The following SLC38A2 variants were observed in gnomAD, a reference collection of about 807,000 sequenced individuals.
The protein encoded by SLC38A2 is sodium-coupled neutral amino acid symporter 2.
In SLC38A2, 11 loss-of-function variants were observed where a neutral mutation model predicts 61.5. The observed-to-expected ratio is 0.18, with a 90% CI of 0.11 to 0.30. SLC38A2 has a LOEUF of 0.30. SLC38A2 is among the 10% of genes least tolerant of loss of function. The probability of loss-of-function intolerance (pLI) is 1.00; values close to 1 mark genes in which losing one functional copy is unlikely to be tolerated. For synonymous variants in SLC38A2, 217 were observed against 212.5 expected (o/e 1.02, Z -0.18); for missense variants, 522 against 600.4 (o/e 0.87, Z 1.36).
rs1477260097 is a variant in SLC38A2, at chr12:46,365,088, T to C, written c.646+19A>G. On this transcript the variant is annotated intron_variant, in intron 8 of 15. Coordinates refer to ENST00000256689, the MANE Select transcript of SLC38A2 (RefSeq NM_018976.5). ...GTGAGAGGCTCATTTCAATTCTCTT[T>C]AGAGATGAGTTTGCTCACCTAAATT... The C allele has an allele frequency of 1.9e-6, 3 of 1,603,238 alleles. No individual in the cohort carries two copies. Among genetic ancestry groups the C allele is most frequent in the Admixed American group, 1.7e-5 (1 of 59,658 alleles).
chr12:46,362,218 A>G (rs1857402271), intron 15 of SLC38A2, 66 bp downstream of exon 15: 1 of 1,291,328 alleles, frequency 7.7e-7, no homozygotes, highest in Middle Eastern at 2.6e-4. Context: ...ATGAGAATAA[A>G]ATTAAAATCA....
At chr12:46,363,192 CACCAAGTAGAAA>C in intron 12 of SLC38A2, 47 bp from the exon 13 acceptor site, 1 of 1,594,016 alleles carries the variant, frequency 6.3e-7, no homozygotes, top group Admixed American at 1.7e-5. Context: ...TTTCATTGGA[CACCAAGTAGAAA>C]ATTTAACAGC....
chr12:46,371,323 T>C lies in SLC38A2; in HGVS notation c.-30A>G, dbSNP rs1179258783. The C allele has an allele frequency of 3.8e-6, 6 of 1,573,418 alleles. No homozygotes were observed. The highest frequency in any genetic ancestry group is 1.3e-5 in the African/African-American group (1 of 74,094). ...AGCACTGGGAGGAATCGGGTGCAGC[T>C]AGTAGCGCTGGGCTCCTTTTGTCCT... On this transcript the variant is annotated 5_prime_UTR_variant, in exon 2 of 16. Coordinates refer to ENST00000256689, the MANE Select transcript of SLC38A2 (RefSeq NM_018976.5).
intron 7 of SLC38A2, 90 bp downstream of exon 7, chr12:46,366,773 AC>A: frequency 8.8e-7 from 1 of 1,137,122 alleles, no homozygotes. Flanking sequence ...TGGATAATTA[AC>A]TAATCATTTT....
At chr12:46,365,699 C>G (rs748817954) in intron 7 of SLC38A2, among the ~76,000 whole-genome samples, 1 of 150,892 alleles carries the variant, frequency 6.6e-6, no homozygotes, top group Non-Finnish European at 1.5e-5. Context: ...GGCAAACTGC[C>G]CCCCCCATAA....
chr12:46,367,509 C>G lies in SLC38A2; in HGVS notation c.315-169G>C, dbSNP rs1943151426. On this transcript the variant is annotated intron_variant, in intron 4 of 15. Coordinates refer to ENST00000256689, the MANE Select transcript of SLC38A2 (RefSeq NM_018976.5). ...CTACTAACTGGAATGGCAACACTGT[C>G]TCTTGGCTGGCAGTAAAAACTTGCA... 5 of 608,256 alleles carry G rather than the reference C, an allele frequency of 8.2e-6. No individual in the cohort carries two copies. The South Asian group carries it at 1.0e-4, about 13-fold the overall frequency. The allele number at this position is 608,256 out of a possible 1,614,324, so 37.7% of individuals were successfully genotyped here.
At position 46,371,606 on chromosome 12, in the gene SLC38A2, CT is replaced by C. The variant is rs1349533373; in HGVS notation, c.-86-228del. 3.6e-5 allele frequency: 12 copies of C among 336,958 alleles called. No homozygotes were observed. In the Admixed American group the frequency reaches 6.1e-4, roughly 17 times the overall value. The allele number at this position is 336,958 out of a possible 1,614,324, so 20.9% of individuals were successfully genotyped here. A position where few individuals can be genotyped will look rare whatever the true frequency, so the allele number is the denominator to read the frequency against. ...GCTGTGTTGCGGCCGTCGAGGCCCC[CT>C]ACTCCGGCAGATTTCAGTATTTCAC... is the stretch of plus-strand genomic sequence containing the variant. On this transcript the variant is annotated intron_variant, in intron 1 of 15. Transcript: ENST00000256689.
At chr12:46,362,773 T>G in intron 13 of SLC38A2, 135 bp from the exon 14 acceptor site, 1 of 1,069,070 alleles carries the variant, frequency 9.4e-7, no homozygotes. Flanking sequence ...TAAATAAAAC[T>G]GTGCCTCTTT....
intron 15 of SLC38A2, 27 bp downstream of exon 15, chr12:46,362,257 T>A (rs752655435): frequency 7.9e-6 from 12 of 1,522,598 alleles, no homozygotes; most frequent in Non-Finnish European, 9.8e-6. Flanking sequence ...ATTATTACTG[T>A]TTCTATGGTT....
chr12:46,370,867 A>T lies in SLC38A2; in HGVS notation c.117-10T>A. The T allele has an allele frequency of 6.3e-7, 1 of 1,581,726 alleles. No individual in the cohort carries two copies. Among genetic ancestry groups the T allele is most frequent in the Non-Finnish European group, 8.6e-7 (1 of 1,159,468 alleles). On this transcript the variant is annotated splice_polypyrimidine_tract_variant and intron_variant, in intron 2 of 15. Coordinates refer to ENST00000256689, the MANE Select transcript of SLC38A2 (RefSeq NM_018976.5). Reference sequence around the variant, plus strand: ...TACATCTGCATAATGGCTGCAAAAAATATAGACATATATAATTGTAAACTG... The same window carrying T: ...TACATCTGCATAATGGCTGCAAAAATTATAGACATATATAATTGTAAACTG...
At chr12:46,372,407 G>A (rs1430722636) in intron 1 of SLC38A2, 102 bp downstream of exon 1, 14 of 326,974 alleles carry the variant, frequency 4.3e-5, no homozygotes, top group Non-Finnish European at 7.7e-5. Context: ...AAAGGAAACG[G>A]ACCCCGCGGC....
At chr12:46,371,447 G>A (rs1214934313) in intron 1 of SLC38A2, 68 bp from the exon 2 acceptor site, 7 of 621,264 alleles carry the variant, frequency 1.1e-5, no homozygotes, top group Admixed American at 3.0e-5. Context: ...ACGCCGCCCG[G>A]AGGCGCAGCG....
chr12:46,364,870 A>T (rs1021287713), intron 8 of SLC38A2, 168 bp from the exon 9 acceptor site: 20 of 684,650 alleles, frequency 2.9e-5, no homozygotes, highest in Non-Finnish European at 4.6e-5. Context: ...AGATTTATTT[A>T]AATATACTTG....
In SLC38A2 at chr12:46,363,796, G is replaced by C; in HGVS notation, c.984C>G (p.Ser328=). Residue 328 remains serine (S), a synonymous_variant, in exon 12 of 16, where the codon TCC becomes TCG. Coordinates refer to ENST00000256689, the MANE Select transcript of SLC38A2 (RefSeq NM_018976.5). ...GAAACATAGCAAAAAATGAAATCTT[G>C]GACACATTCATCATTCTTCTACGGC... is the stretch of plus-strand genomic sequence containing the variant. The part of the protein sequence containing the change: ...DRSRRRMMNV[S]KISFFAMFLM... 6.3e-7 allele frequency: 1 copy of C among 1,596,136 alleles called. No homozygotes were observed. Among genetic ancestry groups the C allele is most frequent in the Non-Finnish European group, 8.5e-7 (1 of 1,174,074 alleles).
Position 46,365,126 on chromosome 12 carries a change from C to G in SLC38A2, c.627G>C (p.Leu209Phe). 2 of 1,613,438 alleles carry G rather than the reference C, an allele frequency of 1.2e-6. No individual in the cohort carries two copies. Among genetic ancestry groups the G allele is most frequent in the Non-Finnish European group, 1.7e-6 (2 of 1,179,588 alleles). ...LLVSLVVILP[L>F]SLFRNLGYLG... ...GCTCACCTAAATTTCTAAACAGCGA[C>G]AAAGGAAGAATGACCACCAATGACA... The change falls in exon 8 of 16, where the codon TTG (leucine) becomes TTC (phenylalanine). Residue 209 changes from leucine (L) to phenylalanine (F), a missense_variant. Around this residue, in one of 3 missense-constraint regions of SLC38A2, gnomAD observed 111 missense variants for 173.4 expected, o/e 0.64. Coordinates refer to ENST00000256689, the MANE Select transcript of SLC38A2 (RefSeq NM_018976.5).
At chr12:46,369,228 G>C (rs1276611419) in intron 4 of SLC38A2, among the ~76,000 whole-genome samples, 1 of 152,072 alleles carries the variant, frequency 6.6e-6, no homozygotes, top group Non-Finnish European at 1.5e-5. Flanking sequence ...TCAAATATTC[G>C]ACAGTGATGC....
Position 46,366,882 on chromosome 12 carries a change from T to C in SLC38A2, c.545A>G (p.Asn182Ser). The C allele has an allele frequency of 6.2e-7, 1 of 1,613,452 alleles. No homozygotes were observed. Among genetic ancestry groups the C allele is most frequent in the Non-Finnish European group, 8.5e-7 (1 of 1,179,816 alleles). ...CACCTACCCAGTTTTATCTTCAATG[T>C]TCGTTAATGCCTGGATCACCAAAGG... ...ELPLVIQALT[N>S]IEDKTGLWYL... The change falls in exon 7 of 16, where the codon AAC (asparagine) becomes AGC (serine). Residue 182 changes from asparagine (N) to serine (S), a missense_variant. Physicochemically the swap from Asn to Ser is conservative, Grantham distance 46 (BLOSUM62 1). Around this residue, in one of 3 missense-constraint regions of SLC38A2, gnomAD observed 111 missense variants for 173.4 expected, o/e 0.64. Transcript: ENST00000256689.
Position 46,371,360 on chromosome 12 carries a change from G to T in SLC38A2, c.-67C>A. On this transcript the variant is annotated 5_prime_UTR_variant, in exon 2 of 16. Transcript: ENST00000256689. ...GCTCCTTTTGTCCTTGGCGGTGGGT[G>T]CAGCGGCCCGCGAGTCGGCCTGCGA... 1 of 1,291,058 alleles carries T rather than the reference G, an allele frequency of 7.7e-7. No individual in the cohort carries two copies. The highest frequency in any genetic ancestry group is 1.1e-6 in the Non-Finnish European group (1 of 898,524). The allele number at this position is 1,291,058 out of a possible 1,614,324, so 80.0% of individuals were successfully genotyped here. A position where few individuals can be genotyped will look rare whatever the true frequency, so the allele number is the denominator to read the frequency against.
chr12:46,365,253 C>G, intron 7 of SLC38A2, 64 bp from the exon 8 acceptor site: 1 of 1,256,484 alleles, frequency 8.0e-7, no homozygotes. Context: ...TACACATCTT[C>G]TAACAGGACT....
Sources: gnomAD v4.1 joint callset for allele counts (sites outside exome capture counted in the v4.1 genomes callset) on GRCh38, gnomAD v4.1.1 for gene constraint, gnomAD v4.1.1 regional missense constraint, MANE v1.5 for transcripts, NCBI Gene and HGNC (gene_info 2026-07-23, HGNC 2026-07-21) for gene names.